Variants in TOM1L2 observed in about 807,000 individuals in gnomAD.
The protein encoded by TOM1L2 is TOM1-like protein 2.
TOM1L2 carries 31 observed loss-of-function variants against 67.9 expected under a neutral mutation model. The observed-to-expected ratio is 0.46, with a 90% confidence interval of 0.34 to 0.62. The LOEUF (loss-of-function observed/expected upper bound fraction) is 0.62, where lower values mean the gene tolerates loss of function less well. TOM1L2 is among the 20% of genes least tolerant of loss of function. The pLI, the probability that TOM1L2 is intolerant of heterozygous loss-of-function variation, is 0.01. For missense variants in TOM1L2, 606 were observed against 663.5 expected (o/e 0.91, Z 0.95); for synonymous variants, 256 against 254.0 (o/e 1.01, Z -0.07).
intron 1 of TOM1L2, among the ~76,000 whole-genome samples, chr17:17,912,612 A>G (rs1397219001): frequency 6.7e-6 from 1 of 150,262 alleles, no homozygotes; most frequent in African/African-American, 2.5e-5. Context: ...GACGCTCTTC[A>G]CTTCCTAGAT....
At position 17,907,591 on chromosome 17, in the gene TOM1L2, G is replaced by A. The variant is rs541110582; in HGVS notation, c.53-60C>T. ...TCCTGGAATAAGTGGGCCTTGGCAG[G>A]AAATGGGAAGAGACCAGAACCACCA... On this transcript the variant is annotated intron_variant, in intron 1 of 14. Transcript: ENST00000379504. 3.6e-5 allele frequency: 53 copies of A among 1,485,202 alleles called. No homozygotes were observed. In the African/African-American group the frequency reaches 6.3e-4, roughly 18 times the overall value. The allele number at this position is 1,485,202 out of a possible 1,614,324, so 92.0% of individuals were successfully genotyped here.
intron 2 of TOM1L2, among the ~76,000 whole-genome samples, chr17:17,906,419 GAGCCC>G (rs2039102974): frequency 1.3e-5 from 2 of 151,744 alleles, no homozygotes; most frequent in Non-Finnish European, 2.9e-5. Context: ...GTGACCCACC[GAGCCC>G]AGCCAAGACT....
intron 1 of TOM1L2, among the ~76,000 whole-genome samples, chr17:17,955,337 T>G (rs1286952105): frequency 4.1e-5 from 6 of 147,346 alleles, no homozygotes; most frequent in East Asian, 2.0e-4. Context: ...TTTTTTTTTT[T>G]TTTTTTTTTT....
In TOM1L2 at chr17:17,947,127, C is replaced by G. The variant is rs1285926641; in HGVS notation, c.52+25135G>C. On this transcript the variant is annotated intron_variant, in intron 1 of 14. Transcript: ENST00000379504. ...CCCACACAGTAAATACAATCTTCAG[C>G]AAGGAACAGGAAAGAACACTAGAAC... is the stretch of plus-strand genomic sequence containing the variant. 3.0e-4 allele frequency among the ~76,000 whole-genome samples: 45 copies of G among 152,156 alleles called. 1 individual carries two copies. Among genetic ancestry groups the G allele is most frequent in the Admixed American group, 2.9e-3 (45 of 15,278 alleles).
intron 2 of TOM1L2, among the ~76,000 whole-genome samples, chr17:17,903,318 C>T (rs1473303281): frequency 1.3e-5 from 2 of 152,140 alleles, no homozygotes; most frequent in African/African-American, 4.8e-5. Context: ...GTGCTAGGTG[C>T]TAGGGACAAA....
At chr17:17,934,777 G>C (rs2040456655) in intron 1 of TOM1L2, among the ~76,000 whole-genome samples, 1 of 152,232 alleles carries the variant, frequency 6.6e-6, no homozygotes, top group African/African-American at 2.4e-5. Context: ...GGGCATGACT[G>C]TGTATGCAGG....
rs2274893 is a variant in TOM1L2 at position 17,885,030 on chromosome 17, C to T, written c.367-262G>A. On this transcript the variant is annotated intron_variant, in intron 4 of 14. Coordinates refer to ENST00000379504, the MANE Select transcript of TOM1L2 (RefSeq NM_001082968.2). Reference sequence around the variant, plus strand: ...AGCATGTATTTCCTTGGAGAAGAGACAGAGAAATAACACCTATGCACGGTG... The same window carrying T: ...AGCATGTATTTCCTTGGAGAAGAGATAGAGAAATAACACCTATGCACGGTG... 3.6e-3 allele frequency among the ~76,000 whole-genome samples: 543 copies of T among 152,330 alleles called. 13 individuals carry two copies. The East Asian group carries it at 0.065, about 18-fold the overall frequency.
intron 1 of TOM1L2, among the ~76,000 whole-genome samples, chr17:17,930,766 C>T (rs1286459149): frequency 6.6e-6 from 1 of 152,138 alleles, no homozygotes; most frequent in Non-Finnish European, 1.5e-5. Flanking sequence ...AAATGTTTTA[C>T]CAAGAACCAG....
chr17:17,963,583 A>T (rs10048206), intron 1 of TOM1L2, among the ~76,000 whole-genome samples: 2 of 152,006 alleles, frequency 1.3e-5, no homozygotes, highest in African/African-American at 4.8e-5. Flanking sequence ...TTTAAATGAG[A>T]TAAGTATGCA....
At chr17:17,913,138 TAC>T (rs1312811483) in intron 1 of TOM1L2, among the ~76,000 whole-genome samples, 1 of 146,924 alleles carries the variant, frequency 6.8e-6, no homozygotes, top group Non-Finnish European at 1.5e-5. Flanking sequence ...ATGGCAGCAG[TAC>T]AGTCCAGCTT....
At chr17:17,917,696 G>A (rs573043163) in intron 1 of TOM1L2, among the ~76,000 whole-genome samples, 1 of 129,558 alleles carries the variant, frequency 7.7e-6, no homozygotes, top group South Asian at 2.7e-4. Flanking sequence ...GCTCATGCCT[G>A]TAAATCCCAT....
At chr17:17,886,193 C>A (rs1406989903) in intron 4 of TOM1L2, among the ~76,000 whole-genome samples, 1 of 152,220 alleles carries the variant, frequency 6.6e-6, no homozygotes, top group Non-Finnish European at 1.5e-5. Flanking sequence ...AACCAACAGA[C>A]CCATTTGAAG....
rs552635003 is a variant in TOM1L2 at position 17,961,708 on chromosome 17, C to A, written c.52+10554G>T. Among the ~76,000 whole-genome samples the A allele has an allele frequency of 4.7e-4, 72 of 152,122 alleles. 2 individuals are homozygous for A. Among genetic ancestry groups the A allele is most frequent in the Admixed American group, 4.7e-3 (72 of 15,284 alleles). On this transcript the variant is annotated intron_variant, in intron 1 of 14. Transcript: ENST00000379504. ...CTAACACGATGAAACCCTGTCTCTA[C>A]TAAAAATACAAAAATTAGCCGGGCG... is the stretch of plus-strand genomic sequence containing the variant.
At chr17:17,854,402 G>A (rs1052924789) in intron 12 of TOM1L2, among the ~76,000 whole-genome samples, 55 of 152,210 alleles carry the variant, frequency 3.6e-4, no homozygotes, top group African/African-American at 1.3e-3. Flanking sequence ...CAGGCCCTTA[G>A]GAGGCCTCGG....
At chr17:17,925,065 G>C (rs1598349393) in intron 1 of TOM1L2, among the ~76,000 whole-genome samples, 1 of 152,252 alleles carries the variant, frequency 6.6e-6, no homozygotes, top group South Asian at 2.1e-4. Context: ...CACCATGTGA[G>C]GTGCCTGCTC....
chr17:17,862,998 A>G (rs188820433), intron 10 of TOM1L2, 150 bp from the exon 11 acceptor site: 1 of 654,720 alleles, frequency 1.5e-6, no homozygotes, highest in East Asian at 2.7e-5. Flanking sequence ...CCAGTGCACC[A>G]CATGCCGGAG....
intron 12 of TOM1L2, chr17:17,851,314 T>C (rs1225192920): frequency 2.9e-6 from 1 of 345,168 alleles, no homozygotes; most frequent in Non-Finnish European, 5.6e-6. Flanking sequence ...AGGAAGGCGC[T>C]GCCACGCAGG....
intron 4 of TOM1L2, among the ~76,000 whole-genome samples, chr17:17,890,720 C>T (rs111860025): frequency 1.2e-4 from 18 of 152,166 alleles, no homozygotes; most frequent in African/African-American, 2.4e-4. Flanking sequence ...AGTGGTCATC[C>T]GGAAGGTGGG....
chr17:17,884,848 C>T, intron 4 of TOM1L2, 80 bp from the exon 5 acceptor site: 1 of 1,578,268 alleles, frequency 6.3e-7, no homozygotes, highest in African/African-American at 1.3e-5. Flanking sequence ...CCCACGTCCT[C>T]TCCCCGAGAC....
Sources: gnomAD v4.1 joint callset for allele counts (sites outside exome capture counted in the v4.1 genomes callset) on GRCh38, gnomAD v4.1.1 for gene constraint, MANE v1.5 for transcripts, NCBI Gene and HGNC (gene_info 2026-07-23, HGNC 2026-07-21) for gene names.